SHC3: variants seen among roughly 807,000 people sequenced by gnomAD.
SHC3 encodes SHC-transforming protein 3.
SHC3 carries 15 observed loss-of-function variants against 60.4 expected under a neutral mutation model. The observed-to-expected ratio is 0.25, with a 90% CI of 0.17 to 0.38. The LOEUF (loss-of-function observed/expected upper bound fraction) is 0.38. Among genes scored for constraint, SHC3 ranks in the 10% least tolerant of loss-of-function variants. The pLI, the probability that SHC3 is intolerant of heterozygous loss-of-function variation, is 1.00. For synonymous variants in SHC3, 294 were observed against 325.9 expected, an observed-to-expected ratio of 0.90 and a Z score of 1.05; for missense variants, 677 against 786.1, an observed-to-expected ratio of 0.86 and a Z score of 1.66.
chr9:89,017,905 AGTG>A (rs1410681703), intron 11 of SHC3, among the ~76,000 whole-genome samples: 1 of 152,276 alleles, frequency 6.6e-6, no homozygotes, highest in Non-Finnish European at 1.5e-5. Flanking sequence ...GCTCATCATC[AGTG>A]GTGATTACAG....
At chr9:89,071,302 C>A in intron 4 of SHC3, 50 bp from the exon 5 acceptor site, 1 of 1,597,282 alleles carries the variant, frequency 6.3e-7, no homozygotes, top group Non-Finnish European at 8.6e-7. Flanking sequence ...GCCCTTTCCA[C>A]ATTTTGGAAA....
At chr9:89,027,081 C>G (rs1826322815) in intron 11 of SHC3, among the ~76,000 whole-genome samples, 1 of 152,106 alleles carries the variant, frequency 6.6e-6, no homozygotes, top group Admixed American at 6.6e-5. Flanking sequence ...GAAATTGTTC[C>G]CAGTCAGGAT....
At chr9:89,018,657 A>T (rs1001364167) in intron 11 of SHC3, among the ~76,000 whole-genome samples, 3 of 152,086 alleles carry the variant, frequency 2.0e-5, no homozygotes, top group African/African-American at 7.2e-5. Flanking sequence ...ATTTAAAAAA[A>T]ACTCTTGATA....
intron 1 of SHC3, among the ~76,000 whole-genome samples, chr9:89,115,063 C>G (rs190251950): frequency 6.6e-6 from 1 of 152,096 alleles, no homozygotes. Flanking sequence ...ATTTGAATAC[C>G]ATGACCACCA....
At chr9:89,096,980 G>C (rs1285991025) in intron 2 of SHC3, among the ~76,000 whole-genome samples, 6 of 152,132 alleles carry the variant, frequency 3.9e-5, no homozygotes, top group African/African-American at 1.4e-4. Flanking sequence ...TCAACTGCTT[G>C]GACCAGCCAG....
At position 89,006,597 on chromosome 9, in the gene SHC3, T is replaced by C. The variant is rs944604131; in HGVS notation, c.*6850A>G. ...GATAATATTCATTTGTCAGTATGTATAATTTGCCATCCAAATGCTTTTTAA... is the reference window on the plus strand; with the variant it reads ...GATAATATTCATTTGTCAGTATGTACAATTTGCCATCCAAATGCTTTTTAA... On this transcript the variant is annotated 3_prime_UTR_variant, in exon 12 of 12. Coordinates refer to ENST00000375835, the MANE Select transcript of SHC3 (RefSeq NM_016848.6). 5.3e-5 allele frequency: 8 copies of C among 152,264 alleles called. No individual in the cohort carries two copies. Among genetic ancestry groups the C allele is most frequent in the African/African-American group, 1.9e-4 (8 of 41,476 alleles). The allele number at this position is 152,264 out of a possible 1,614,324, so 9.4% of individuals were successfully genotyped here.
At chr9:89,040,231 TCACCACCACCACCAC>T (rs1317075909) in intron 10 of SHC3, among the ~76,000 whole-genome samples, 9 of 145,962 alleles carry the variant, frequency 6.2e-5, no homozygotes, top group South Asian at 2.3e-4. Flanking sequence ...ACCACCACCA[TCACCACCACCACCAC>T]CATCAAAATT....
chr9:89,096,044 T>G (rs1825696685), intron 2 of SHC3, among the ~76,000 whole-genome samples: 1 of 152,174 alleles, frequency 6.6e-6, no homozygotes, highest in South Asian at 2.1e-4. Context: ...CTGCCTCAGA[T>G]GTAAACAAAC....
intron 5 of SHC3, among the ~76,000 whole-genome samples, chr9:89,066,645 T>C (rs1293277539): frequency 2.6e-5 from 4 of 152,246 alleles, no homozygotes; most frequent in Non-Finnish European, 4.4e-5. Context: ...GTGGGGCAAC[T>C]GATAAAAGTC....
At chr9:89,177,160 G>C (rs148281830) in intron 1 of SHC3, among the ~76,000 whole-genome samples, 5 of 152,326 alleles carry the variant, frequency 3.3e-5, no homozygotes, top group African/African-American at 1.2e-4. Context: ...CCGCGTGGCA[G>C]ATTACTTGAA....
intron 1 of SHC3, among the ~76,000 whole-genome samples, chr9:89,153,132 C>A (rs1342694574): frequency 2.0e-5 from 3 of 152,074 alleles, no homozygotes; most frequent in African/African-American, 7.2e-5. Context: ...ATGTTGTGCT[C>A]AGTAAAAAAG....
intron 2 of SHC3, among the ~76,000 whole-genome samples, chr9:89,087,804 A>G (rs1825556302): frequency 6.6e-6 from 1 of 152,168 alleles, no homozygotes; most frequent in African/African-American, 2.4e-5. Flanking sequence ...GCTTCATTAT[A>G]CACTCCTCCC....
intron 10 of SHC3, among the ~76,000 whole-genome samples, chr9:89,041,579 AAG>A (rs1435513808): frequency 6.6e-6 from 1 of 152,210 alleles, no homozygotes; most frequent in African/African-American, 2.4e-5. Flanking sequence ...AAACCCTCAT[AAG>A]AGAGAGGTGT....
intron 6 of SHC3, among the ~76,000 whole-genome samples, chr9:89,057,397 A>G (rs1476039530): frequency 6.7e-6 from 1 of 149,130 alleles, no homozygotes; most frequent in Admixed American, 6.7e-5. Flanking sequence ...TTCTCAGTAC[A>G]TGTCCTAGCC....
At chr9:89,165,598 C>G (rs1240790937) in intron 1 of SHC3, among the ~76,000 whole-genome samples, 1 of 149,994 alleles carries the variant, frequency 6.7e-6, no homozygotes, top group Admixed American at 6.6e-5. Flanking sequence ...AACTTGAAAC[C>G]CTTTAGAGGT....
chr9:89,079,595 G>A (rs1395493636), intron 2 of SHC3, among the ~76,000 whole-genome samples: 2 of 152,198 alleles, frequency 1.3e-5, no homozygotes, highest in African/African-American at 4.8e-5. Flanking sequence ...AGTATCAAAT[G>A]TCTCATCTAG....
At chr9:89,141,305 A>G (rs1257091373) in intron 1 of SHC3, among the ~76,000 whole-genome samples, 1 of 152,234 alleles carries the variant, frequency 6.6e-6, no homozygotes, top group African/African-American at 2.4e-5. Flanking sequence ...GTGGAGTCCC[A>G]GGGCTGTGTT....
chr9:89,103,474 G>T (rs1398702217), intron 2 of SHC3, among the ~76,000 whole-genome samples: 1 of 152,188 alleles, frequency 6.6e-6, no homozygotes, highest in African/African-American at 2.4e-5. Context: ...GGACTCAGCA[G>T]CTGCTTGGCT....
chr9:89,094,503 G>T (rs1825671151), intron 2 of SHC3, among the ~76,000 whole-genome samples: 1 of 152,228 alleles, frequency 6.6e-6, no homozygotes, highest in African/African-American at 2.4e-5. Flanking sequence ...AAGGTAGGAA[G>T]ATTGTAGAAG....
Sources: allele counts gnomAD v4.1 joint callset (sites outside exome capture counted in the v4.1 genomes callset), GRCh38; gene constraint gnomAD v4.1.1; transcripts MANE v1.5; gene names NCBI Gene and HGNC (gene_info 2026-07-23, HGNC 2026-07-21).